Variants in NAV3 observed in about 807,000 individuals in gnomAD.
NAV3 encodes pore membrane and/or filament interacting like protein 1.
NAV3 carries 87 observed loss-of-function variants against 244.7 expected under a neutral mutation model. The observed-to-expected ratio is 0.36, with a 90% CI of 0.30 to 0.42. NAV3 has a LOEUF of 0.42. Ranked by LOEUF, NAV3 falls within the 20% of genes least tolerant of loss-of-function variation. The probability of loss-of-function intolerance (pLI) is 1.00; values close to 1 mark genes in which losing one functional copy is unlikely to be tolerated. For synonymous variants in NAV3, 1,126 were observed against 1,042.2 expected (o/e 1.08, Z -1.55); for missense variants, 2,663 against 2,893.3 (o/e 0.92, Z 1.83).
intron 36 of NAV3, chr12:78,199,024 G>A: frequency 3.7e-6 from 2 of 541,280 alleles, no homozygotes; most frequent in Non-Finnish European, 7.0e-6. Flanking sequence ...TGTGAGAAAT[G>A]TGAAGAGAGT....
intron 11 of NAV3, among the ~76,000 whole-genome samples, chr12:78,055,962 T>C (rs906009841): frequency 6.6e-6 from 1 of 152,242 alleles, no homozygotes; most frequent in South Asian, 2.1e-4. Flanking sequence ...TTCAGACTTC[T>C]TGTTTCCTCT....
At chr12:77,720,536 GC>G (rs1356822828) in intron 2 of NAV3, among the ~76,000 whole-genome samples, 1 of 152,032 alleles carries the variant, frequency 6.6e-6, no homozygotes, top group Non-Finnish European at 1.5e-5. Flanking sequence ...ATTCTTTTCA[GC>G]AACTCCCTGG....
chr12:77,710,376 C>A (rs1381489432), intron 2 of NAV3, among the ~76,000 whole-genome samples: 12 of 148,572 alleles, frequency 8.1e-5, no homozygotes, highest in Non-Finnish European at 2.9e-5. Flanking sequence ...GGAGCTCTTC[C>A]AGATAACTAT....
chr12:77,677,574 A>T (rs1172811173), intron 2 of NAV3, among the ~76,000 whole-genome samples: 1 of 152,226 alleles, frequency 6.6e-6, no homozygotes, highest in Non-Finnish European at 1.5e-5. Flanking sequence ...GCTCTTAAGC[A>T]AGTTATTCAA....
At chr12:78,165,518 C>G (rs1957744408) in intron 23 of NAV3, among the ~76,000 whole-genome samples, 1 of 151,710 alleles carries the variant, frequency 6.6e-6, no homozygotes, top group South Asian at 2.1e-4. Context: ...TTAAAAATTT[C>G]TAATGATTTT....
chr12:77,610,335 C>A (rs773738393), intron 2 of NAV3, among the ~76,000 whole-genome samples: 3 of 152,118 alleles, frequency 2.0e-5, no homozygotes, highest in Non-Finnish European at 4.4e-5. Flanking sequence ...TTTAAGTACA[C>A]CTTTTACTTA....
intron 5 of NAV3, among the ~76,000 whole-genome samples, chr12:77,974,030 T>A (rs1468315719): frequency 1.3e-5 from 2 of 151,978 alleles, no homozygotes; most frequent in African/African-American, 4.8e-5. Flanking sequence ...GTATGTAATA[T>A]TAAGAGAAAG....
rs1435496451 is a variant in NAV3, at chr12:78,007,264, G to T, written c.1726G>T (p.Ala576Ser). The T allele has an allele frequency of 1.9e-6, 3 of 1,614,194 alleles. No homozygotes were observed. The highest frequency in any genetic ancestry group is 2.5e-6 in the Non-Finnish European group (3 of 1,180,026). ...GCCTATAACCATGGAGAAAGCAAGT[G>T]CTTCTAGTTGTCCTGCCCCTTTGGA... ...SKPITMEKAS[A>S]SSCPAPLEGR... The change falls in exon 8 of 40, where the codon GCT (alanine) becomes TCT (serine). Residue 576 changes from alanine (A) to serine (S), a missense_variant. Transcript: ENST00000397909.
intron 1 of NAV3, among the ~76,000 whole-genome samples, chr12:77,841,118 G>A (rs1875563521): frequency 6.6e-6 from 1 of 152,032 alleles, no homozygotes; most frequent in African/African-American, 2.4e-5. Flanking sequence ...TTCATTAATT[G>A]GTTACATGGA....
chr12:77,894,384 C>T (rs182760988), intron 1 of NAV3, among the ~76,000 whole-genome samples: 21 of 152,244 alleles, frequency 1.4e-4, no homozygotes, highest in African/African-American at 4.6e-4. Flanking sequence ...TTAATATAAA[C>T]ATTTTAATAA....
chr12:77,934,816 T>C (rs1435100989), intron 1 of NAV3, among the ~76,000 whole-genome samples: 1 of 152,176 alleles, frequency 6.6e-6, no homozygotes, highest in Non-Finnish European at 1.5e-5. Context: ...TGCTTGAATG[T>C]TGAAGGAAAA....
intron 2 of NAV3, among the ~76,000 whole-genome samples, chr12:77,693,467 T>A (rs767109786): frequency 2.3e-4 from 35 of 151,956 alleles, no homozygotes; most frequent in Non-Finnish European, 3.8e-4. Context: ...AATGACTACT[T>A]TGTGAAGCTC....
At chr12:77,888,470 C>G (rs930842766) in intron 1 of NAV3, among the ~76,000 whole-genome samples, 2 of 152,064 alleles carry the variant, frequency 1.3e-5, no homozygotes, top group African/African-American at 2.4e-5. Flanking sequence ...CAGCAAGACC[C>G]TGTTTTAAAA....
chr12:77,887,117 A>G (rs1883386634), intron 1 of NAV3, among the ~76,000 whole-genome samples: 1 of 152,180 alleles, frequency 6.6e-6, no homozygotes, highest in Admixed American at 6.6e-5. Flanking sequence ...GCTTTTCAGC[A>G]TAGGTGCATT....
chr12:77,793,288 A>C (rs1173098820), intron 2 of NAV3, among the ~76,000 whole-genome samples: 1 of 152,148 alleles, frequency 6.6e-6, no homozygotes, highest in African/African-American at 2.4e-5. Flanking sequence ...AGAAGTGGTA[A>C]GTATTTCTCT....
chr12:77,774,720 C>A (rs555603888), intron 2 of NAV3, among the ~76,000 whole-genome samples: 1 of 152,270 alleles, frequency 6.6e-6, no homozygotes, highest in East Asian at 1.9e-4. Flanking sequence ...AGCACTTTGC[C>A]ACCCCGCATT....
intron 12 of NAV3, among the ~76,000 whole-genome samples, chr12:78,087,426 G>T (rs1386745237): frequency 4.6e-5 from 7 of 151,982 alleles, no homozygotes. Context: ...GACACATTCA[G>T]AAGGAACCCC....
At chr12:77,963,579 G>A (rs940078874) in intron 3 of NAV3, among the ~76,000 whole-genome samples, 1 of 152,044 alleles carries the variant, frequency 6.6e-6, no homozygotes, top group African/African-American at 2.4e-5. Flanking sequence ...AACAATAAAT[G>A]TTGAATAAAT....
chr12:78,052,017 T>C (rs1358759566), intron 11 of NAV3, among the ~76,000 whole-genome samples: 1 of 152,204 alleles, frequency 6.6e-6, no homozygotes, highest in Non-Finnish European at 1.5e-5. Flanking sequence ...AGAACTCAGC[T>C]ATGTCTGACT....
Sources: allele counts gnomAD v4.1 joint callset (sites outside exome capture counted in the v4.1 genomes callset), GRCh38; gene constraint gnomAD v4.1.1; transcripts MANE v1.5; gene names NCBI Gene and HGNC (gene_info 2026-07-23, HGNC 2026-07-21).